Variants in NEK1 observed in about 807,000 individuals in gnomAD.
NEK1 encodes NIMA related kinase 1.
NEK1 carries 137 observed loss-of-function variants against 182.1 expected under a neutral mutation model. The ratio of observed to expected loss-of-function variants is 0.75; its 90% CI spans 0.65 to 0.87. The LOEUF (loss-of-function observed/expected upper bound fraction) is 0.87. Among genes scored for constraint, NEK1 ranks in the 40% least tolerant of loss-of-function variants. The pLI is 0.00. For missense variants in NEK1, 1,391 were observed against 1,494.4 expected (o/e 0.93, Z 1.14); for synonymous variants, 513 against 492.2 (o/e 1.04, Z -0.56).
At chr4:169,562,311 C>G (rs1442358768) in intron 12 of NEK1, 115 bp from the exon 13 acceptor site, 2 of 633,728 alleles carry the variant, frequency 3.2e-6, no homozygotes, top group South Asian at 4.8e-5. Flanking sequence ...TTCCATAACT[C>G]TCTTCCAAAT....
intron 2 of NEK1, among the ~76,000 whole-genome samples, chr4:169,610,850 C>A (rs1772205962): frequency 6.6e-6 from 1 of 152,190 alleles, no homozygotes; most frequent in Non-Finnish European, 1.5e-5. Flanking sequence ...TCTTTTGGCG[C>A]TGTATGCAGC....
rs564207258 is a variant in NEK1 at position 169,416,853 on chromosome 4, C to T, written c.3222+7700G>A. Among the ~76,000 whole-genome samples, 4 of 152,164 alleles carry T rather than the reference C, an allele frequency of 2.6e-5. No individual in the cohort carries two copies. In the South Asian group the frequency reaches 6.2e-4, roughly 24 times the overall value. ...CCAGGAGGTTGAGGCTGCAGTGAGC[C>T]GTGATTGCACCACTGCACTCCATTC... On this transcript the variant is annotated intron_variant, in intron 31 of 35. Coordinates refer to ENST00000507142, the MANE Select transcript of NEK1 (RefSeq NM_001199397.3).
intron 31 of NEK1, among the ~76,000 whole-genome samples, chr4:169,415,193 A>C (rs1338681149): frequency 2.6e-5 from 4 of 152,210 alleles, no homozygotes; most frequent in Admixed American, 2.6e-4. Context: ...GAAAACAACA[A>C]TTTTAGACTA....
chr4:169,537,688 C>T (rs778652010), intron 19 of NEK1, 121 bp downstream of exon 19: 41 of 759,930 alleles, frequency 5.4e-5, no homozygotes, highest in Non-Finnish European at 9.2e-5. Flanking sequence ...AGTATCTTTA[C>T]TGCCTCTTAT....
chr4:169,499,613 C>T (rs1235348652), intron 23 of NEK1, among the ~76,000 whole-genome samples: 2 of 152,126 alleles, frequency 1.3e-5, no homozygotes. Context: ...TTAGTTTTCC[C>T]CCCAACAGTC....
At chr4:169,494,668 G>A (rs866319959) in intron 23 of NEK1, among the ~76,000 whole-genome samples, 18 of 152,104 alleles carry the variant, frequency 1.2e-4, no homozygotes, top group South Asian at 2.1e-4. Flanking sequence ...CTGAGGAATC[G>A]CCACACTGAC....
At chr4:169,543,488 C>A (rs752725398) in intron 18 of NEK1, among the ~76,000 whole-genome samples, 1 of 151,922 alleles carries the variant, frequency 6.6e-6, no homozygotes, top group Non-Finnish European at 1.5e-5. Flanking sequence ...TGGTTCCATA[C>A]GAAATTTAAA....
At chr4:169,439,302 T>A (rs35886187) in intron 27 of NEK1, among the ~76,000 whole-genome samples, 16,911 of 152,230 alleles carry the variant, frequency 0.11, 1,022 homozygotes, top group East Asian at 0.17. Context: ...TTGGCTGCAG[T>A]CCTTTTATAA....
chr4:169,571,000 C>G (rs749456460), intron 12 of NEK1, among the ~76,000 whole-genome samples: 12 of 151,860 alleles, frequency 7.9e-5, no homozygotes, highest in Middle Eastern at 3.4e-3. Context: ...TAAGAGTCAT[C>G]ACCACTCCCT....
At chr4:169,415,901 G>C (rs1014547517) in intron 31 of NEK1, among the ~76,000 whole-genome samples, 3 of 152,152 alleles carry the variant, frequency 2.0e-5, no homozygotes, top group African/African-American at 7.2e-5. Flanking sequence ...CAGAATTCTA[G>C]GGCTCTAAAC....
intron 23 of NEK1, among the ~76,000 whole-genome samples, chr4:169,494,440 T>C (rs985721815): frequency 1.3e-5 from 2 of 152,248 alleles, no homozygotes; most frequent in Non-Finnish European, 2.9e-5. Flanking sequence ...TCATTTTTGA[T>C]GGCTGCATAG....
chr4:169,541,681 T>C (rs1019710591), intron 18 of NEK1, among the ~76,000 whole-genome samples: 5 of 152,190 alleles, frequency 3.3e-5, no homozygotes, highest in African/African-American at 9.6e-5. Context: ...AAATGTCCTA[T>C]AATGCCAGTG....
chr4:169,589,910 G>T (rs2150088811), intron 6 of NEK1, among the ~76,000 whole-genome samples: 1 of 152,098 alleles, frequency 6.6e-6, no homozygotes, highest in South Asian at 2.1e-4. Context: ...TAAAATGAGA[G>T]AAAATTTTTA....
intron 18 of NEK1, among the ~76,000 whole-genome samples, chr4:169,553,792 C>A (rs1287421894): frequency 6.6e-6 from 1 of 152,062 alleles, no homozygotes; most frequent in Admixed American, 6.6e-5. Context: ...AAATGAGATA[C>A]CACTACACAC....
At position 169,612,076 on chromosome 4, in the gene NEK1, A is replaced by G. The variant is rs1341434208; in HGVS notation, c.-105T>C. On this transcript the variant is annotated 5_prime_UTR_variant, in exon 2 of 36. Coordinates refer to ENST00000507142, the MANE Select transcript of NEK1 (RefSeq NM_001199397.3). The stretch of plus-strand genomic sequence containing the variant: ...GGTGATGACTAATAAGCATCAGTCT[A>G]GGTGTGGCAGTCTTCCTACGGGGCT... 6.6e-6 allele frequency: 1 copy of G among 152,258 alleles called. No homozygotes were observed. The highest frequency in any genetic ancestry group is 1.5e-5 in the Non-Finnish European group (1 of 68,052). 9.4% of individuals were successfully genotyped at this position (152,258 alleles called of 1,614,324 possible).
intron 10 of NEK1, among the ~76,000 whole-genome samples, chr4:169,584,984 C>T (rs1346172166): frequency 6.6e-6 from 1 of 152,108 alleles, no homozygotes; most frequent in Non-Finnish European, 1.5e-5. Context: ...CCAGGAGTTC[C>T]AGACAAGCCT....
At position 169,491,187 on chromosome 4, in the gene NEK1, G is replaced by C. The variant is rs1257078587; in HGVS notation, c.2008-11653C>G. ...AAGAGAGATGGAGAAAGGCACAGAAGGCTTTTTAAGTGAAGTACTTGCTGA... is the reference window on the plus strand; with the variant it reads ...AAGAGAGATGGAGAAAGGCACAGAACGCTTTTTAAGTGAAGTACTTGCTGA... On this transcript the variant is annotated intron_variant, in intron 23 of 35. Transcript: ENST00000507142. Among the ~76,000 whole-genome samples the C allele has an allele frequency of 5.5e-5, 8 of 146,256 alleles. No individual in the cohort carries two copies. In the South Asian group the frequency reaches 1.1e-3, roughly 20 times the overall value.
intron 31 of NEK1, among the ~76,000 whole-genome samples, chr4:169,409,865 T>C (rs2111149806): frequency 6.6e-6 from 1 of 152,334 alleles, no homozygotes; most frequent in East Asian, 1.9e-4. Flanking sequence ...TGATGATTAG[T>C]GATGTTGAGC....
At chr4:169,522,842 C>A (rs1227879236) in intron 19 of NEK1, among the ~76,000 whole-genome samples, 2 of 152,140 alleles carry the variant, frequency 1.3e-5, no homozygotes, top group Admixed American at 6.5e-5. Context: ...CTTTTCCAGT[C>A]CTTTGGTGAG....
Sources: gnomAD v4.1 joint callset for allele counts (sites outside exome capture counted in the v4.1 genomes callset) on GRCh38, gnomAD v4.1.1 for gene constraint, MANE v1.5 for transcripts, NCBI Gene and HGNC (gene_info 2026-07-23, HGNC 2026-07-21) for gene names.